The following PRELID2 variants were observed in gnomAD, a reference collection of about 807,000 sequenced individuals.
The protein encoded by PRELID2 is PRELI domain containing 2.
A neutral mutation model predicts 28.4 loss-of-function variants in PRELID2; 25 were observed. The observed-to-expected ratio is 0.88, with a 90% CI of 0.64 to 1.23. PRELID2 has a LOEUF of 1.23. PRELID2 is among the 50% of genes most tolerant of loss of function. The pLI, the probability that PRELID2 is intolerant of heterozygous loss-of-function variation, is 0.00. For missense variants in PRELID2, 201 were observed against 214.4 expected (o/e 0.94, Z 0.39); for synonymous variants, 76 against 71.6 (o/e 1.06, Z -0.31).
chr5:145,618,051 T>C (rs1284410174), intron 1 of PRELID2, among the ~76,000 whole-genome samples: 1 of 152,130 alleles, frequency 6.6e-6, no homozygotes, highest in Non-Finnish European at 1.5e-5. Flanking sequence ...TTTCTTTATG[T>C]TATCTATTTC....
intron 1 of PRELID2, among the ~76,000 whole-genome samples, chr5:145,678,450 G>C (rs983220623): frequency 2.2e-4 from 33 of 152,032 alleles, no homozygotes; most frequent in Non-Finnish European, 3.8e-4. Context: ...TGCTTGCACA[G>C]GACAGTATCT....
At chr5:145,372,141 T>A in the PRELID2 span, among the ~76,000 whole-genome samples, 3 of 152,120 alleles carry the variant, frequency 2.0e-5, no homozygotes, top group South Asian at 2.1e-4. Context: ...TCTGGAATGT[T>A]GTCTCTTTGT....
chr5:145,264,365 C>T, the PRELID2 span, among the ~76,000 whole-genome samples: 3 of 151,964 alleles, frequency 2.0e-5, no homozygotes, highest in East Asian at 5.8e-4. Context: ...TGTAATACAC[C>T]ACATACACAG....
chr5:145,602,769 C>A (rs896607176), intron 1 of PRELID2, among the ~76,000 whole-genome samples: 4 of 151,928 alleles, frequency 2.6e-5, no homozygotes, highest in African/African-American at 7.3e-5. Context: ...AATCAATGAA[C>A]TGAAAAATAC....
chr5:145,548,831 A>C (rs1752809121), intron 1 of PRELID2, among the ~76,000 whole-genome samples: 1 of 152,160 alleles, frequency 6.6e-6, no homozygotes, highest in South Asian at 2.1e-4. Flanking sequence ...TTCTTTACTG[A>C]CTTTTCATGA....
At chr5:145,416,696 A>T in the PRELID2 span, among the ~76,000 whole-genome samples, 5 of 152,160 alleles carry the variant, frequency 3.3e-5, no homozygotes. Flanking sequence ...ACAAAAAGCT[A>T]GAAAGATCTC....
the PRELID2 span, among the ~76,000 whole-genome samples, chr5:145,451,766 A>T: frequency 6.6e-6 from 1 of 152,170 alleles, no homozygotes; most frequent in African/African-American, 2.4e-5. Flanking sequence ...ATTATTTTTT[A>T]AAGTCAGTTT....
At chr5:145,300,095 T>C in the PRELID2 span, among the ~76,000 whole-genome samples, 1 of 152,172 alleles carries the variant, frequency 6.6e-6, no homozygotes, top group Non-Finnish European at 1.5e-5. Flanking sequence ...TCACTGCCTG[T>C]GTATATCACT....
chr5:145,515,920 G>T (rs1001232273), intron 1 of PRELID2, among the ~76,000 whole-genome samples: 1 of 152,018 alleles, frequency 6.6e-6, no homozygotes, highest in Non-Finnish European at 1.5e-5. Context: ...TGCAGAAAAG[G>T]CCTTTGACAA....
chr5:145,416,527 G>A, the PRELID2 span, among the ~76,000 whole-genome samples: 1 of 151,966 alleles, frequency 6.6e-6, no homozygotes, highest in Non-Finnish European at 1.5e-5. Context: ...ATCTGACAAA[G>A]GGCAAATATC....
chr5:145,776,017 T>A (rs1161138355), intron 5 of PRELID2, among the ~76,000 whole-genome samples: 1 of 130,738 alleles, frequency 7.6e-6, no homozygotes, highest in Admixed American at 8.6e-5. Flanking sequence ...CATGGGCTGT[T>A]TTTAAGTCAA....
intron 1 of PRELID2, among the ~76,000 whole-genome samples, chr5:145,537,409 A>G (rs1272791083): frequency 6.6e-6 from 1 of 151,950 alleles, no homozygotes; most frequent in Non-Finnish European, 1.5e-5. Context: ...GATGTCTTCC[A>G]TAACTATACT....
the PRELID2 span, among the ~76,000 whole-genome samples, chr5:145,440,186 C>T: frequency 1.3e-5 from 2 of 152,034 alleles, no homozygotes; most frequent in African/African-American, 4.8e-5. Context: ...AAATAAGTGA[C>T]TTTTTTCTCT....
chr5:145,731,336 T>G (rs1177953947), intron 1 of PRELID2, among the ~76,000 whole-genome samples: 1 of 152,108 alleles, frequency 6.6e-6, no homozygotes, highest in Non-Finnish European at 1.5e-5. Context: ...CCTGCTCCAT[T>G]CCTAAAATGC....
chr5:145,557,802 G>A (rs546210991), intron 1 of PRELID2, among the ~76,000 whole-genome samples: 3 of 152,140 alleles, frequency 2.0e-5, no homozygotes, highest in Non-Finnish European at 2.9e-5. Context: ...TTAGTAAATG[G>A]CAGCACCAAA....
At chr5:145,665,432 A>G (rs1485630428) in intron 1 of PRELID2, among the ~76,000 whole-genome samples, 1 of 152,108 alleles carries the variant, frequency 6.6e-6, no homozygotes, top group East Asian at 1.9e-4. Context: ...ATATTTACTG[A>G]CTTTACTCAA....
the PRELID2 span, among the ~76,000 whole-genome samples, chr5:145,383,587 T>A: frequency 1.4e-5 from 2 of 147,040 alleles, no homozygotes; most frequent in African/African-American, 5.0e-5. Context: ...AAAATCTTTT[T>A]AACAAATGAT....
At chr5:145,801,581 C>A (rs1409160495) in intron 4 of PRELID2, among the ~76,000 whole-genome samples, 5 of 152,162 alleles carry the variant, frequency 3.3e-5, no homozygotes, top group African/African-American at 1.2e-4. Context: ...ATTGTATTAC[C>A]TTCTGAGGTT....
At chr5:145,490,826 T>C (rs1752262508) in intron 1 of PRELID2, among the ~76,000 whole-genome samples, 1 of 152,192 alleles carries the variant, frequency 6.6e-6, no homozygotes, top group Non-Finnish European at 1.5e-5. Context: ...ACACGAATTC[T>C]CCATGACAAC....
Sources: gnomAD v4.1 joint callset for allele counts (sites outside exome capture counted in the v4.1 genomes callset) on GRCh38, gnomAD v4.1.1 for gene constraint, MANE v1.5 for transcripts, NCBI Gene and HGNC (gene_info 2026-07-23, HGNC 2026-07-21) for gene names.